CFTR: variants seen among roughly 807,000 people sequenced by gnomAD.
CFTR encodes the protein CF transmembrane conductance regulator.
CFTR carries 181 observed loss-of-function variants against 171.6 expected under a neutral mutation model. The observed-to-expected ratio is 1.05, with a 90% CI of 0.93 to 1.19. CFTR has a LOEUF of 1.19. CFTR is among the 50% of genes most tolerant of loss of function. The probability of loss-of-function intolerance (pLI) is 0.00; values close to 1 mark genes in which losing one functional copy is unlikely to be tolerated. For missense variants in CFTR, 1,968 were observed against 1,734.7 expected (o/e 1.13, Z -2.39); for synonymous variants, 583 against 608.0 (o/e 0.96, Z 0.60).
intron 14 of CFTR, 136 bp from the exon 15 acceptor site, chr7:117,594,794 T>C (rs1792094476): frequency 1.3e-6 from 1 of 766,754 alleles, no homozygotes; most frequent in Non-Finnish European, 2.1e-6. Context: ...ATGGCATTTA[T>C]AATGATTTAT....
intron 24 of CFTR, among the ~76,000 whole-genome samples, chr7:117,661,412 C>A (rs142301708): frequency 5.3e-4 from 80 of 152,266 alleles, no homozygotes; most frequent in East Asian, 4.2e-3. Context: ...TGGGGAAAAA[C>A]ATACTTTGCT....
chr7:117,513,402 A>C (rs1459741554), intron 3 of CFTR, among the ~76,000 whole-genome samples: 1 of 149,512 alleles, frequency 6.7e-6, no homozygotes, highest in Non-Finnish European at 1.5e-5. Flanking sequence ...AGACCTTGGC[A>C]GGTGTCAGAT....
intron 20 of CFTR, 31 bp from the exon 21 acceptor site, chr7:117,614,582 A>G (rs1304069791): frequency 9.7e-6 from 13 of 1,340,070 alleles, no homozygotes; most frequent in Non-Finnish European, 1.3e-5. Flanking sequence ...AAATAACATG[A>G]GGTTCATTTA....
At chr7:117,649,512 TATATA>T (rs1270027122) in intron 23 of CFTR, among the ~76,000 whole-genome samples, 17 of 132,750 alleles carry the variant, frequency 1.3e-4, no homozygotes, top group African/African-American at 4.1e-4. Flanking sequence ...TATATATATA[TATATA>T]TATTTTTTTT....
intron 4 of CFTR, among the ~76,000 whole-genome samples, chr7:117,533,187 A>C: frequency 6.6e-6 from 1 of 152,264 alleles, no homozygotes; most frequent in South Asian, 2.1e-4. Context: ...TAAGCCTGTT[A>C]CTAAGTTATG....
chr7:117,662,749 G>A (rs1214403558), intron 24 of CFTR, among the ~76,000 whole-genome samples: 2 of 152,134 alleles, frequency 1.3e-5, no homozygotes, highest in Admixed American at 6.5e-5. Flanking sequence ...GACCCAGACT[G>A]GGATCACTAT....
chr7:117,631,029 G>T (rs904555963), intron 22 of CFTR, among the ~76,000 whole-genome samples: 1 of 151,916 alleles, frequency 6.6e-6, no homozygotes, highest in African/African-American at 2.4e-5. Context: ...ACAGAGACAG[G>T]GTCTCACTAT....
chr7:117,624,822 C>A (rs989092792), intron 21 of CFTR, among the ~76,000 whole-genome samples: 2 of 152,116 alleles, frequency 1.3e-5, no homozygotes, highest in Non-Finnish European at 1.5e-5. Context: ...GGCCAATATT[C>A]ACATGGCTCA....
chr7:117,603,739 T>C lies in CFTR; in HGVS notation c.2865T>C (p.Ser955=). 1 of 1,614,060 alleles carries C rather than the reference T, an allele frequency of 6.2e-7. No homozygotes were observed. The highest frequency in any genetic ancestry group is 8.5e-7 in the Non-Finnish European group (1 of 1,179,944). The change falls in exon 17 of 27, where the codon TCT becomes TCC. Residue 955 remains serine, a synonymous_variant. Transcript: ENST00000003084. ...TTTTACACCACAAAATGTTACATTC[T>C]GTTCTTCAAGCACCTATGTCAACCC... is the stretch of plus-strand genomic sequence containing the variant. ...SKILHHKMLH[S]VLQAPMSTLN... is the part of the protein sequence containing the mutation.
intron 1 of CFTR, among the ~76,000 whole-genome samples, chr7:117,481,988 T>G (rs1798006787): frequency 6.6e-6 from 1 of 152,170 alleles, no homozygotes; most frequent in Non-Finnish European, 1.5e-5. Flanking sequence ...CTTGAGAAAA[T>G]GAATGTGAAA....
intron 1 of CFTR, among the ~76,000 whole-genome samples, chr7:117,494,262 T>C (rs148315552): frequency 2.0e-5 from 3 of 152,176 alleles, no homozygotes; most frequent in African/African-American, 7.2e-5. Context: ...TTTTTTAATT[T>C]TGGGGAAAGT....
At chr7:117,514,945 T>C (rs986006038) in intron 3 of CFTR, among the ~76,000 whole-genome samples, 4 of 152,128 alleles carry the variant, frequency 2.6e-5, no homozygotes, top group Non-Finnish European at 5.9e-5. Flanking sequence ...TTGTTGGCCA[T>C]GTAAATGTCT....
chr7:117,509,605 A>G (rs1395446797), intron 3 of CFTR, among the ~76,000 whole-genome samples: 6 of 152,194 alleles, frequency 3.9e-5, no homozygotes, highest in African/African-American at 1.4e-4. Context: ...AATTTAAAGT[A>G]TAGCAGCTTT....
At chr7:117,621,060 C>T (rs1229977735) in intron 21 of CFTR, among the ~76,000 whole-genome samples, 5 of 152,132 alleles carry the variant, frequency 3.3e-5, no homozygotes, top group Non-Finnish European at 5.9e-5. Context: ...TGAGATAGCT[C>T]CACTGCACTC....
intron 15 of CFTR, among the ~76,000 whole-genome samples, chr7:117,596,956 A>G (rs1792139699): frequency 6.6e-6 from 1 of 152,198 alleles, no homozygotes; most frequent in Non-Finnish European, 1.5e-5. Context: ...CGCACCAATC[A>G]GCACCCTGTC....
Position 117,603,392 on chromosome 7 carries a change from G to A in CFTR, c.2658-140G>A, listed in dbSNP as rs1214465422. 4.9e-6 allele frequency: 4 copies of A among 808,942 alleles called. No homozygotes were observed. The African/African-American group carries it at 6.8e-5, about 14-fold the overall frequency. The allele number at this position is 808,942 out of a possible 1,614,324, so 50.1% of individuals were successfully genotyped here. On this transcript the variant is annotated intron_variant, in intron 16 of 26. Transcript: ENST00000003084. The stretch of plus-strand genomic sequence containing the variant: ...ATCTATTTTCTTGCAATAATAGTAT[G>A]ATTTTGAGGTTAAGGGTGCATGCTC...
At chr7:117,657,896 T>C (rs1168462728) in intron 24 of CFTR, among the ~76,000 whole-genome samples, 1 of 152,164 alleles carries the variant, frequency 6.6e-6, no homozygotes, top group Non-Finnish European at 1.5e-5. Flanking sequence ...CCATGTCCAG[T>C]GTAGAATCTT....
intron 21 of CFTR, among the ~76,000 whole-genome samples, chr7:117,619,982 C>G (rs1188650827): frequency 6.6e-6 from 1 of 152,148 alleles, no homozygotes; most frequent in Non-Finnish European, 1.5e-5. Flanking sequence ...AAAAGGGGAA[C>G]CTGGCTTTTC....
At chr7:117,619,360 A>G (rs957863779) in intron 21 of CFTR, among the ~76,000 whole-genome samples, 3 of 152,256 alleles carry the variant, frequency 2.0e-5, no homozygotes, top group African/African-American at 7.2e-5. Context: ...TGATGCTTCA[A>G]AATGAACCAT....
Sources: allele counts gnomAD v4.1 joint callset (sites outside exome capture counted in the v4.1 genomes callset), GRCh38; gene constraint gnomAD v4.1.1; transcripts MANE v1.5; gene names NCBI Gene and HGNC (gene_info 2026-07-23, HGNC 2026-07-21).